The following ANO1 variants were observed in gnomAD, a reference collection of about 807,000 sequenced individuals.
ANO1 encodes the protein anoctamin 1.
ANO1 carries 59 observed loss-of-function variants against 124.0 expected under a neutral mutation model. The observed-to-expected ratio is 0.48, with a 90% CI of 0.39 to 0.59. The LOEUF (loss-of-function observed/expected upper bound fraction) is 0.59. ANO1 is among the 20% of genes least tolerant of loss of function. The probability of loss-of-function intolerance (pLI) is 0.00; values close to 1 mark genes in which losing one functional copy is unlikely to be tolerated. For missense variants in ANO1, 1,059 were observed against 1,328.0 expected (o/e 0.80, Z 3.15); for synonymous variants, 529 against 532.0 (o/e 0.99, Z 0.08).
At chr11:70,113,761 C>A (rs981301500) in intron 7 of ANO1, among the ~76,000 whole-genome samples, 1 of 152,104 alleles carries the variant, frequency 6.6e-6, no homozygotes, top group South Asian at 2.1e-4. Context: ...CGTATCTGAG[C>A]ACCTACTGTG....
intron 1 of ANO1, among the ~76,000 whole-genome samples, chr11:69,987,594 G>T (rs1856069392): frequency 8.1e-6 from 1 of 123,612 alleles, no homozygotes; most frequent in Non-Finnish European, 1.6e-5. Context: ...AACAGAGCAA[G>T]ACCATGTCTC....
chr11:70,025,890 GTGATGA>G (rs145742095), intron 1 of ANO1, among the ~76,000 whole-genome samples: 6 of 130,290 alleles, frequency 4.6e-5, no homozygotes, highest in South Asian at 2.8e-4. Flanking sequence ...GGTGATGATG[GTGATGA>G]TGATGATGAT....
chr11:70,122,712 G>A (rs547448825), intron 8 of ANO1, among the ~76,000 whole-genome samples: 7 of 143,590 alleles, frequency 4.9e-5, no homozygotes, highest in South Asian at 4.6e-4. Context: ...TGTCTCTCTC[G>A]CTGCCTCTCT....
chr11:70,187,534 C>T lies in ANO1; in HGVS notation c.2695-204C>T, dbSNP rs145690791. On this transcript the variant is annotated intron_variant, in intron 25 of 25. Transcript: ENST00000355303. ...CCCAATTACTGAGTTCAGATTTGTT[C>T]GAGAAAGTCGGCCAACATTTCCCAG... Among the ~76,000 whole-genome samples, 219 of 152,226 alleles carry T rather than the reference C, an allele frequency of 1.4e-3. 1 individual carries two copies. Among genetic ancestry groups the T allele is most frequent in the African/African-American group, 4.7e-3 (196 of 41,540 alleles).
chr11:70,070,545 G>A (rs538355239), intron 1 of ANO1, among the ~76,000 whole-genome samples: 22 of 152,248 alleles, frequency 1.4e-4, no homozygotes, highest in Non-Finnish European at 2.5e-4. Context: ...TAGTCATGAC[G>A]GGTGCCTGTA....
intron 1 of ANO1, among the ~76,000 whole-genome samples, chr11:70,006,990 T>C (rs1047544814): frequency 6.6e-6 from 1 of 152,082 alleles, no homozygotes; most frequent in Non-Finnish European, 1.5e-5. Context: ...ATTTTAAATG[T>C]ACAGTACAAT....
intron 10 of ANO1, chr11:70,129,628 C>CT (rs5792510): frequency 0.011 from 1,561 of 142,570 alleles, 17 homozygotes; most frequent in Non-Finnish European, 0.013. Context: ...CACCCCCCGC[C>CT]TTTTTTTTTT....
chr11:70,185,432 C>G (rs1450173100), intron 24 of ANO1, among the ~76,000 whole-genome samples, 158 bp from the exon 25 acceptor site: 1 of 152,118 alleles, frequency 6.6e-6, no homozygotes, highest in African/African-American at 2.4e-5. Flanking sequence ...TCCGTGGGTG[C>G]GGGGCCATGG....
At chr11:70,054,312 T>A (rs1857400277) in intron 1 of ANO1, among the ~76,000 whole-genome samples, 1 of 152,206 alleles carries the variant, frequency 6.6e-6, no homozygotes, top group African/African-American at 2.4e-5. Flanking sequence ...GGTTTGTCCT[T>A]TCAAAGGCAA....
intron 2 of ANO1, among the ~76,000 whole-genome samples, chr11:70,094,234 G>T (rs191604108): frequency 6.6e-6 from 1 of 152,166 alleles, no homozygotes. Flanking sequence ...TGGAGACCCC[G>T]CCCCTGCCCG....
intron 2 of ANO1, among the ~76,000 whole-genome samples, chr11:70,101,607 A>AAAAAAACAAC (rs1590733625): frequency 6.7e-6 from 1 of 149,554 alleles, no homozygotes. Context: ...AAAAAAAAAA[A>AAAAAAACAAC]CTCATCCCCA....
At position 70,165,450 on chromosome 11, in the gene ANO1, A is replaced by T. The variant is rs1281516958; in HGVS notation, c.1951-20A>T. ...TCTCGGTGTCCCTGTAGCGTGGCTG[A>T]TGCTGCTCTCTGTCCACAGTGTGCG... On this transcript the variant is annotated intron_variant, in intron 19 of 25. Coordinates refer to ENST00000355303, the MANE Select transcript of ANO1 (RefSeq NM_018043.7). 6.9e-6 allele frequency: 11 copies of T among 1,593,458 alleles called. No homozygotes were observed. The highest frequency in any genetic ancestry group is 7.7e-6 in the Non-Finnish European group (9 of 1,169,312).
At chr11:70,178,400 T>C (rs1368846281) in intron 22 of ANO1, among the ~76,000 whole-genome samples, 2 of 151,926 alleles carry the variant, frequency 1.3e-5, no homozygotes, top group Admixed American at 6.6e-5. Flanking sequence ...AAAAATAAAC[T>C]GAGGACCACT....
At chr11:70,140,259 G>A (rs1234268425) in intron 11 of ANO1, among the ~76,000 whole-genome samples, 5 of 152,196 alleles carry the variant, frequency 3.3e-5, no homozygotes, top group East Asian at 1.9e-4. Context: ...GCCGGGCTCA[G>A]TGACTCACAT....
At chr11:70,025,349 GATA>G (rs1334681901) in intron 1 of ANO1, among the ~76,000 whole-genome samples, 1 of 152,210 alleles carries the variant, frequency 6.6e-6, no homozygotes, top group Non-Finnish European at 1.5e-5. Flanking sequence ...TCATGATCAT[GATA>G]ATGATGGTGG....
At chr11:69,995,929 G>C (rs4980710) in intron 1 of ANO1, among the ~76,000 whole-genome samples, 132,164 of 151,722 alleles carry the variant, frequency 0.87, 58,125 homozygotes, top group East Asian at 0.99. Flanking sequence ...CTGGCTAATA[G>C]AGCGAAACCC....
intron 2 of ANO1, among the ~76,000 whole-genome samples, chr11:70,090,156 C>T (rs10898146): frequency 0.16 from 23,734 of 152,086 alleles, 2,206 homozygotes; most frequent in African/African-American, 0.25. Context: ...TACAGGCGCC[C>T]GCCGTCACGC....
At chr11:70,098,516 C>T (rs1055085332) in intron 2 of ANO1, among the ~76,000 whole-genome samples, 1 of 152,190 alleles carries the variant, frequency 6.6e-6, no homozygotes, top group African/African-American at 2.4e-5. Context: ...CCCTCCAGCA[C>T]CCCGACGCCA....
chr11:70,171,166 C>T, intron 22 of ANO1, 127 bp downstream of exon 22: 1 of 1,339,398 alleles, frequency 7.5e-7, no homozygotes, highest in Middle Eastern at 2.5e-4. Context: ...TTCACTCAGC[C>T]TTTGCCGGGT....
Sources: allele counts gnomAD v4.1 joint callset (sites outside exome capture counted in the v4.1 genomes callset), GRCh38; gene constraint gnomAD v4.1.1; transcripts MANE v1.5; gene names NCBI Gene and HGNC (gene_info 2026-07-23, HGNC 2026-07-21).